Variants in USP24 observed in about 807,000 individuals in gnomAD.
USP24 encodes the protein ubiquitin carboxyl-terminal hydrolase 24.
In USP24, 97 loss-of-function variants were observed where a neutral mutation model predicts 361.6. The observed-to-expected ratio is 0.27, with a 90% CI of 0.23 to 0.32. USP24 has a LOEUF of 0.32. Among genes scored for constraint, USP24 ranks in the 10% least tolerant of loss-of-function variants. The pLI, the probability that USP24 is intolerant of heterozygous loss-of-function variation, is 1.00. For synonymous variants in USP24, 1,098 were observed against 1,124.6 expected (o/e 0.98, Z 0.47); for missense variants, 2,353 against 3,165.6 (o/e 0.74, Z 6.16).
At chr1:55,090,465 G>T (rs187400513) in intron 54 of USP24, among the ~76,000 whole-genome samples, 291 of 152,304 alleles carry the variant, frequency 1.9e-3, no homozygotes, top group Admixed American at 3.3e-3. Flanking sequence ...AATAAAGACT[G>T]AGATCACTTA....
chr1:55,089,766 T>C (rs964760675), intron 54 of USP24, 26 bp from the exon 55 acceptor site: 2 of 1,527,264 alleles, frequency 1.3e-6, no homozygotes, highest in African/African-American at 1.4e-5. Flanking sequence ...GATACAGCAA[T>C]GTTAGGAGCA....
At chr1:55,096,864 G>T in intron 49 of USP24, 88 bp downstream of exon 49, 1 of 1,476,008 alleles carries the variant, frequency 6.8e-7, no homozygotes, top group Non-Finnish European at 9.2e-7. Context: ...ATGCCAAAGT[G>T]TCCCTGCACC....
intron 59 of USP24, among the ~76,000 whole-genome samples, chr1:55,080,277 A>T (rs1448956126): frequency 6.6e-6 from 1 of 152,228 alleles, no homozygotes; most frequent in South Asian, 2.1e-4. Context: ...GTTGGAGTTT[A>T]GTAAGCAGAC....
intron 1 of USP24, among the ~76,000 whole-genome samples, chr1:55,211,366 G>A (rs1271410097): frequency 6.6e-6 from 1 of 152,146 alleles, no homozygotes; most frequent in Non-Finnish European, 1.5e-5. Flanking sequence ...CAGAGACCAA[G>A]AACATTTACA....
intron 38 of USP24, among the ~76,000 whole-genome samples, chr1:55,117,653 G>A (rs1046580120): frequency 2.4e-4 from 37 of 151,760 alleles, no homozygotes; most frequent in African/African-American, 7.7e-4. Flanking sequence ...GCGTGAACCC[G>A]GGAAGCCGGG....
chr1:55,212,729 G>A (rs974190681), intron 1 of USP24, among the ~76,000 whole-genome samples: 1 of 152,170 alleles, frequency 6.6e-6, no homozygotes, highest in Non-Finnish European at 1.5e-5. Context: ...CTGCCAATAC[G>A]CTTCGTGGGT....
chr1:55,097,757 T>C (rs773709714), intron 47 of USP24, 40 bp from the exon 48 acceptor site: 5 of 1,519,878 alleles, frequency 3.3e-6, no homozygotes, highest in Non-Finnish European at 4.4e-6. Context: ...ATCTGAATGA[T>C]CTCCATGGAG....
chr1:55,171,344 A>G (rs1369102467), intron 5 of USP24, among the ~76,000 whole-genome samples: 1 of 152,180 alleles, frequency 6.6e-6, no homozygotes, highest in East Asian at 1.9e-4. Context: ...ATCATTTCAA[A>G]CCTATAAAAT....
intron 38 of USP24, among the ~76,000 whole-genome samples, chr1:55,112,188 G>A (rs1041345620): frequency 1.3e-5 from 2 of 152,186 alleles, no homozygotes; most frequent in East Asian, 3.9e-4. Flanking sequence ...AGCTATAAAT[G>A]CTTACATTTA....
At chr1:55,072,432 G>C (rs779261877) in intron 65 of USP24, 29 bp from the exon 66 acceptor site, 1 of 1,586,460 alleles carries the variant, frequency 6.3e-7, no homozygotes, top group Admixed American at 1.7e-5. Flanking sequence ...AATGCCATCA[G>C]AGGTGACAAA....
rs114493396 is a variant in USP24, at chr1:55,204,381, T to C, written c.324+10409A>G. Among the ~76,000 whole-genome samples the C allele has an allele frequency of 3.3e-3, 499 of 152,262 alleles. 2 individuals are homozygous for C. The highest frequency in any genetic ancestry group is 4.1e-3 in the Non-Finnish European group (276 of 67,996). On this transcript the variant is annotated intron_variant, in intron 1 of 67. Transcript: ENST00000294383. ...TAATTAACATCACTCTTTAAAAAGA[T>C]ACTAGTTGAGAGAATCATCAATCTA... is the stretch of plus-strand genomic sequence containing the variant.
Position 55,068,252 on chromosome 1 carries a change from T to A in USP24, c.*793A>T, listed in dbSNP as rs1644855486. The A allele has an allele frequency of 1.3e-5, 2 of 152,262 alleles. No homozygotes were observed. Among genetic ancestry groups the A allele is most frequent in the South Asian group, 2.1e-4 (1 of 4,838 alleles). The allele number at this position is 152,262 out of a possible 1,614,324, so 9.4% of individuals were successfully genotyped here. On this transcript the variant is annotated 3_prime_UTR_variant, in exon 68 of 68. Transcript: ENST00000294383. ...TAAAGTGCTTTTATTTTGCTGTTTT[T>A]AAAATCTGTTTGGGGAACAACTCAT...
At position 55,214,948 on chromosome 1, in the gene USP24, T is replaced by C; in HGVS notation, c.166A>G (p.Met56Val). ...PGLDYGGYEPMDSGGGPSPGP... is the reference protein window; with the variant it reads ...PGLDYGGYEPVDSGGGPSPGP... ...GGGCTGGGGCCACCGCCGCTGTCCA[T>C]GGGCTCGTAGCCGCCGTAGTCGAGG... The change falls in exon 1 of 68, where the codon ATG becomes GTG. Residue 56 changes from methionine to valine, a missense_variant. Met to Val is a conservative substitution (Grantham distance 21). Around this residue, in one of 8 missense-constraint regions of USP24, gnomAD observed 253 missense variants for 255.3 expected, o/e 0.99. Transcript: ENST00000294383. 2 of 1,415,108 alleles carry C rather than the reference T, an allele frequency of 1.4e-6. No homozygotes were observed. The highest frequency in any genetic ancestry group is 3.2e-5 in the East Asian group (1 of 31,532). 87.7% of individuals were successfully genotyped at this position (1,415,108 alleles called of 1,614,324 possible).
At position 55,139,911 on chromosome 1, in the gene USP24, CATA is replaced by C. The variant is rs1287444251; in HGVS notation, c.2751-904_2751-902del. Among the ~76,000 whole-genome samples the C allele has an allele frequency of 7.9e-5, 12 of 152,004 alleles. No individual in the cohort carries two copies. The South Asian group carries it at 2.1e-3, about 26-fold the overall frequency. On this transcript the variant is annotated intron_variant, in intron 24 of 67. Transcript: ENST00000294383. ...AAAATTTTTAGAAAATATCTAAGTC[CATA>C]ATAAGTGAGTGAACTATTTTTTAAT... is the stretch of plus-strand genomic sequence containing the variant.
intron 7 of USP24, 117 bp downstream of exon 7, chr1:55,165,767 TA>T: frequency 1.2e-6 from 1 of 807,772 alleles, no homozygotes; most frequent in Non-Finnish European, 1.8e-6. Flanking sequence ...TCTGCTCCTC[TA>T]AAGATGAACC....
chr1:55,099,243 C>T (rs1224027987), intron 45 of USP24, among the ~76,000 whole-genome samples: 2 of 152,042 alleles, frequency 1.3e-5, no homozygotes, highest in African/African-American at 4.8e-5. Context: ...CTTTACTGAG[C>T]GTTAGATGAA....
At chr1:55,111,904 A>G (rs918248066) in intron 38 of USP24, among the ~76,000 whole-genome samples, 1 of 152,136 alleles carries the variant, frequency 6.6e-6, no homozygotes, top group African/African-American at 2.4e-5. Context: ...ATCTCTGTAT[A>G]TTAGAAAGTG....
At chr1:55,086,703 TTACCTTCAGA>T (rs1645258834) in intron 55 of USP24, among the ~76,000 whole-genome samples, 1 of 152,240 alleles carries the variant, frequency 6.6e-6, no homozygotes, top group African/African-American at 2.4e-5. Flanking sequence ...GAGATGAACT[TTACCTTCAGA>T]TACACGCTGA....
Position 55,137,607 on chromosome 1 carries a change from T to C in USP24, c.3109A>G (p.Ser1037Gly). The C allele has an allele frequency of 6.2e-7, 1 of 1,613,404 alleles. No individual in the cohort carries two copies. Among genetic ancestry groups the C allele is most frequent in the Non-Finnish European group, 8.5e-7 (1 of 1,179,628 alleles). ...EQILTVKTSG[S>G]GTPSGSSADS... ...GCTGAACTCCCAGATGGGGTCCCAC[T>C]GCCAGAAGTCTTCACTGTAAGGATT... Residue 1037 changes from serine to glycine, a missense_variant, in exon 28 of 68, where the codon AGT (serine) becomes GGT (glycine). By Grantham distance (56) the Ser-to-Gly change is moderately conservative (BLOSUM62 0). This residue lies in a region of USP24 where 949 missense variants were observed against 1,280.5 expected (regional missense o/e 0.74). Coordinates refer to ENST00000294383, the MANE Select transcript of USP24 (RefSeq NM_015306.3).
Sources: gnomAD v4.1 joint callset for allele counts (sites outside exome capture counted in the v4.1 genomes callset) on GRCh38, gnomAD v4.1.1 for gene constraint, gnomAD v4.1.1 regional missense constraint, MANE v1.5 for transcripts, NCBI Gene and HGNC (gene_info 2026-07-23, HGNC 2026-07-21) for gene names.